The following TBXA2R variants were observed in gnomAD, a reference collection of about 807,000 sequenced individuals.
The protein encoded by TBXA2R is prostanoid TP receptor.
In TBXA2R, 15 loss-of-function variants were observed where a neutral mutation model predicts 15.6. The ratio of observed to expected loss-of-function variants is 0.96; its 90% CI spans 0.64 to 1.48. TBXA2R has a LOEUF of 1.48. Among genes scored for constraint, TBXA2R ranks in the 40% most tolerant of loss-of-function variants. TBXA2R has a pLI of 0.00. For missense variants in TBXA2R, 506 were observed against 491.4 expected, an observed-to-expected ratio of 1.03 and a Z score of -0.28; for synonymous variants, 280 against 241.2, an observed-to-expected ratio of 1.16 and a Z score of -1.49.
rs201694481 is a variant in TBXA2R at position 3,594,591 on chromosome 19, A to G, written c.*1097T>C. 1.0e-4 allele frequency: 38 copies of G among 364,206 alleles called. No homozygotes were observed. The highest frequency in any genetic ancestry group is 1.7e-4 in the Non-Finnish European group (34 of 196,468). The allele number at this position is 364,206 out of a possible 1,614,324, so 22.6% of individuals were successfully genotyped here. ...AGGGCTAACCTGTAGCCCTCCCATT[A>G]CAGGCTGCTGGAAGAATTCTAGGTG... On this transcript the variant is annotated 3_prime_UTR_variant, in exon 3 of 3. Transcript: ENST00000375190.
intron 2 of TBXA2R, among the ~76,000 whole-genome samples, chr19:3,596,882 T>A (rs2032614448): frequency 6.6e-6 from 1 of 151,300 alleles, no homozygotes; most frequent in South Asian, 2.1e-4. Flanking sequence ...CACCTGGCCA[T>A]AAATAAAATA....
In TBXA2R at chr19:3,595,307, A is replaced by T; in HGVS notation, c.*381T>A. 1 of 1,248,238 alleles carries T rather than the reference A, an allele frequency of 8.0e-7. No individual in the cohort carries two copies. Among genetic ancestry groups the T allele is most frequent in the Non-Finnish European group, 1.0e-6 (1 of 968,702 alleles). The allele number at this position is 1,248,238 out of a possible 1,614,324, so 77.3% of individuals were successfully genotyped here. On this transcript the variant is annotated 3_prime_UTR_variant, in exon 3 of 3. Coordinates refer to ENST00000375190, the MANE Select transcript of TBXA2R (RefSeq NM_001060.6). ...GGCAGGAGAATCGCTTGAACCCGGG[A>T]GGTGGAGGTTGCAGTGAGCTGAGAT... is the stretch of plus-strand genomic sequence containing the variant.
In TBXA2R at chr19:3,595,301, C is replaced by T. The variant is rs922811794; in HGVS notation, c.*387G>A. On this transcript the variant is annotated 3_prime_UTR_variant, in exon 3 of 3. Transcript: ENST00000375190. ...GGCTGAGGCAGGAGAATCGCTTGAA[C>T]CCGGGAGGTGGAGGTTGCAGTGAGC... The T allele has an allele frequency of 8.1e-7, 1 of 1,235,762 alleles. No homozygotes were observed. Among genetic ancestry groups the T allele is most frequent in the Non-Finnish European group, 1.0e-6 (1 of 957,414 alleles). The allele number at this position is 1,235,762 out of a possible 1,614,324, so 76.5% of individuals were successfully genotyped here. A position where few individuals can be genotyped will look rare whatever the true frequency, so the allele number is the denominator to read the frequency against.
chr19:3,597,180 G>A (rs922196312), intron 2 of TBXA2R, among the ~76,000 whole-genome samples: 1 of 151,494 alleles, frequency 6.6e-6, no homozygotes, highest in African/African-American at 2.4e-5. Flanking sequence ...GACCTGAGGT[G>A]ATCCACCCGC....
intron 1 of TBXA2R, among the ~76,000 whole-genome samples, chr19:3,605,173 C>G (rs994754874): frequency 9.2e-5 from 14 of 152,240 alleles, no homozygotes. Flanking sequence ...TTCCCCATCT[C>G]TCTAGTGGGG....
In TBXA2R at chr19:3,600,652, G is replaced by A. The variant is rs2032719378; in HGVS notation, c.-18C>T. On this transcript the variant is annotated 5_prime_UTR_variant, in exon 2 of 3. Transcript: ENST00000375190. The stretch of plus-strand genomic sequence containing the variant: ...GGCCACATGGCTCCGGAGCCCTGAG[G>A]GATCAGTCACCACCCCATCAGGCCG... The A allele has an allele frequency of 6.2e-7, 1 of 1,610,702 alleles. No individual in the cohort carries two copies. The highest frequency in any genetic ancestry group is 1.1e-5 in the South Asian group (1 of 90,700).
At position 3,600,485 on chromosome 19, in the gene TBXA2R, C is replaced by T. The variant is rs200258596; in HGVS notation, c.150G>A (p.Ala50=). 9.3e-6 allele frequency: 15 copies of T among 1,612,712 alleles called. No individual in the cohort carries two copies. The African/African-American group carries it at 1.6e-4, about 17-fold the overall frequency. The change falls in exon 2 of 3, where the codon GCG becomes GCA. Residue 50 remains alanine, a synonymous_variant. Coordinates refer to ENST00000375190, the MANE Select transcript of TBXA2R (RefSeq NM_001060.6). The part of the protein sequence containing the change: ...ASNLLALSVL[A]GARQGGSHTR... ...TGTGCGAACCCCCCTGCCGCGCGCC[C>T]GCCAGCACGCTCAGGGCCAGCAGGT...
rs1221321915 is a variant in TBXA2R at position 3,595,950 on chromosome 19, T to C, written c.787-17A>G. ...GATGAAGACCTGCAAAGGGGAGAGC[T>C]GTCAGCCTGGGCCCCCGCCTCCAGC... On this transcript the variant is annotated splice_polypyrimidine_tract_variant and intron_variant, in intron 2 of 2. Transcript: ENST00000375190. The C allele has an allele frequency of 6.4e-7, 1 of 1,573,822 alleles. No homozygotes were observed. The highest frequency in any genetic ancestry group is 8.6e-7 in the Non-Finnish European group (1 of 1,161,552).
intron 2 of TBXA2R, 37 bp downstream of exon 2, chr19:3,599,812 C>T (rs1024614381): frequency 6.5e-7 from 1 of 1,548,554 alleles, no homozygotes; most frequent in Admixed American, 2.0e-5. Flanking sequence ...GAGGTCCAGT[C>T]AGGAGGGTAG....
At chr19:3,597,748 C>T (rs1414739171) in intron 2 of TBXA2R, among the ~76,000 whole-genome samples, 2 of 151,962 alleles carry the variant, frequency 1.3e-5, no homozygotes, top group East Asian at 1.9e-4. Flanking sequence ...CTGGCTAACA[C>T]GATGAAACCC....
chr19:3,606,350 C>T (rs2032835545), intron 1 of TBXA2R, among the ~76,000 whole-genome samples, 180 bp downstream of exon 1: 1 of 152,192 alleles, frequency 6.6e-6, no homozygotes, highest in South Asian at 2.1e-4. Context: ...GCGCCCAGGG[C>T]AGGCCTCAGG....
At chr19:3,596,047 G>T in intron 2 of TBXA2R, 114 bp from the exon 3 acceptor site, 1 of 1,338,258 alleles carries the variant, frequency 7.5e-7, no homozygotes, top group Non-Finnish European at 1.0e-6. Context: ...TTTTATTTTT[G>T]AGACAGGGTC....
In TBXA2R at chr19:3,606,743, C is replaced by T. The variant is rs1426287101; in HGVS notation, c.-297G>A. 1 of 152,356 alleles carries T rather than the reference C, an allele frequency of 6.6e-6. No individual in the cohort carries two copies. Among genetic ancestry groups the T allele is most frequent in the Non-Finnish European group, 1.5e-5 (1 of 68,200 alleles). 9.4% of individuals were successfully genotyped at this position (152,356 alleles called of 1,614,324 possible). ...ACCAGGGGCGGGCCCAGCAGAGGACCCACACAGATGGAGGGCGTGGCGGCA... is the reference window on the plus strand; with the variant it reads ...ACCAGGGGCGGGCCCAGCAGAGGACTCACACAGATGGAGGGCGTGGCGGCA... On this transcript the variant is annotated 5_prime_UTR_variant, in exon 1 of 3. Coordinates refer to ENST00000375190, the MANE Select transcript of TBXA2R (RefSeq NM_001060.6).
intron 2 of TBXA2R, 42 bp from the exon 3 acceptor site, chr19:3,595,975 C>CCCCG: frequency 6.4e-7 from 1 of 1,556,276 alleles, no homozygotes; most frequent in South Asian, 1.2e-5. Context: ...CCGCCTCCAG[C>CCCCG]CCCGCCCGCC....
At position 3,595,351 on chromosome 19, in the gene TBXA2R, C is replaced by G. The variant is rs200453213; in HGVS notation, c.*337G>C. 1.7e-4 allele frequency: 231 copies of G among 1,357,358 alleles called. No homozygotes were observed. In the African/African-American group the frequency reaches 3.2e-3, roughly 19 times the overall value. 84.1% of individuals were successfully genotyped at this position (1,357,358 alleles called of 1,614,324 possible). ...CTGAGATTGCGCCACTGCACTCCAG[C>G]CTGGGGGACAGAGCAAGACTCCGTC... On this transcript the variant is annotated 3_prime_UTR_variant, in exon 3 of 3. Transcript: ENST00000375190.
At chr19:3,602,178 G>A (rs555711862) in intron 1 of TBXA2R, among the ~76,000 whole-genome samples, 41 of 152,020 alleles carry the variant, frequency 2.7e-4, no homozygotes, top group Non-Finnish European at 4.3e-4. Flanking sequence ...CTGAGATCGT[G>A]CCACTGCACT....
rs770630880 is a variant in TBXA2R at position 3,600,017 on chromosome 19, G to C, written c.618C>G (p.Leu206=). Residue 206 remains leucine (L), a synonymous_variant, in exon 2 of 3, where the codon CTC becomes CTG. Coordinates refer to ENST00000375190, the MANE Select transcript of TBXA2R (RefSeq NM_001060.6). Reference sequence around the variant, plus strand: ...TCAGCAGGAAGGACAGCCCGACCGAGAGGCCGCCCAGCATGGAGAAGAGCA... The same window carrying C: ...TCAGCAGGAAGGACAGCCCGACCGACAGGCCGCCCAGCATGGAGAAGAGCA... ...FGLLFSMLGG[L]SVGLSFLLNT... 3 of 1,612,012 alleles carry C rather than the reference G, an allele frequency of 1.9e-6. No individual in the cohort carries two copies. The highest frequency in any genetic ancestry group is 1.7e-6 in the Non-Finnish European group (2 of 1,179,416).
At position 3,600,074 on chromosome 19, in the gene TBXA2R, C is replaced by T. The variant is rs1338964462; in HGVS notation, c.561G>A (p.Leu187=). The T allele has an allele frequency of 6.2e-7, 1 of 1,612,548 alleles. No individual in the cohort carries two copies. Residue 187 remains leucine (L), a synonymous_variant, in exon 2 of 3, where the codon CTG becomes CTA. Transcript: ENST00000375190. The part of the protein sequence containing the change: ...QYPGSWCFLT[L]GAESGDVAFG... ...AGGCCACGTCCCCGGACTCGGCGCC[C>T]AGCGTCAGGAAGCACCAGGACCCCG...
rs1323429201 is a variant in TBXA2R, at chr19:3,595,952, T to C, written c.787-19A>G. ...TGAAGACCTGCAAAGGGGAGAGCTG[T>C]CAGCCTGGGCCCCCGCCTCCAGCCC... is the stretch of plus-strand genomic sequence containing the variant. On this transcript the variant is annotated intron_variant, in intron 2 of 2. Transcript: ENST00000375190. 1.9e-6 allele frequency: 3 copies of C among 1,571,246 alleles called. No homozygotes were observed. Among genetic ancestry groups the C allele is most frequent in the Admixed American group, 1.9e-5 (1 of 53,594 alleles).
Sources: gnomAD v4.1 joint callset for allele counts (sites outside exome capture counted in the v4.1 genomes callset) on GRCh38, gnomAD v4.1.1 for gene constraint, MANE v1.5 for transcripts, NCBI Gene and HGNC (gene_info 2026-07-23, HGNC 2026-07-21) for gene names.